ME1: variants seen among roughly 807,000 people sequenced by gnomAD.
ME1 encodes the protein NADP-dependent malic enzyme.
ME1 carries 74 observed loss-of-function variants against 66.4 expected under a neutral mutation model. The ratio of observed to expected loss-of-function variants is 1.11; its 90% CI spans 0.92 to 1.35. The LOEUF (loss-of-function observed/expected upper bound fraction) is 1.35. Ranked by LOEUF, ME1 falls within the 40% of genes most tolerant of loss-of-function variation. The probability of loss-of-function intolerance (pLI) is 0.00; values close to 1 mark genes in which losing one functional copy is unlikely to be tolerated. For synonymous variants in ME1, 251 were observed against 235.6 expected (o/e 1.07, Z -0.60); for missense variants, 750 against 694.1 (o/e 1.08, Z -0.90).
Position 83,211,855 on chromosome 6 carries a change from T to C in ME1, c.*69A>G. 1 of 1,085,504 alleles carries C rather than the reference T, an allele frequency of 9.2e-7. No homozygotes were observed. The allele number at this position is 1,085,504 out of a possible 1,614,324, so 67.2% of individuals were successfully genotyped here. ...GTGTCTTATGAATCATTATAAAAGA[T>C]TCCAACCTTTAAAAATTATGAAAGG... On this transcript the variant is annotated 3_prime_UTR_variant, in exon 14 of 14. Transcript: ENST00000369705.
At chr6:83,364,750 A>T (rs886203031) in intron 3 of ME1, among the ~76,000 whole-genome samples, 2 of 152,114 alleles carry the variant, frequency 1.3e-5, no homozygotes, top group East Asian at 3.9e-4. Flanking sequence ...CTATCTATCT[A>T]TCTATCTATC....
intron 3 of ME1, among the ~76,000 whole-genome samples, chr6:83,388,496 C>T (rs1177597255): frequency 6.6e-6 from 1 of 152,146 alleles, no homozygotes; most frequent in Non-Finnish European, 1.5e-5. Context: ...ATACCAGTAA[C>T]AATAACCACC....
At chr6:83,394,517 G>A (rs1429479040) in intron 3 of ME1, among the ~76,000 whole-genome samples, 3 of 152,170 alleles carry the variant, frequency 2.0e-5, no homozygotes, top group East Asian at 1.9e-4. Context: ...ACAAAGGGAT[G>A]ATGCGGCCAA....
Position 83,407,902 on chromosome 6 carries a change from C to T in ME1, c.79-1G>A, listed in dbSNP as rs1280148768. ...TCTCTTCCAGGGTAAAGGCCAAGTC[C>T]TATAGAGAAAAAACACACACACACA... On this transcript the variant is annotated splice_acceptor_variant, in intron 1 of 13. Coordinates refer to ENST00000369705, the MANE Select transcript of ME1 (RefSeq NM_002395.6). LOFTEE classifies it high-confidence loss of function. The T allele has an allele frequency of 6.3e-7, 1 of 1,595,336 alleles. No individual in the cohort carries two copies. Among genetic ancestry groups the T allele is most frequent in the Non-Finnish European group, 8.5e-7 (1 of 1,175,136 alleles).
At chr6:83,305,054 C>A (rs1452194827) in intron 6 of ME1, among the ~76,000 whole-genome samples, 1 of 152,062 alleles carries the variant, frequency 6.6e-6, no homozygotes, top group African/African-American at 2.4e-5. Context: ...AAAAATGATG[C>A]TAGTAATTCA....
intron 6 of ME1, among the ~76,000 whole-genome samples, chr6:83,287,156 T>A (rs1170330): frequency 0.35 from 52,826 of 152,064 alleles, 9,404 homozygotes; most frequent in Middle Eastern, 0.5. Flanking sequence ...ATCATCATAA[T>A]CTTTTTTTAA....
At chr6:83,221,173 A>G (rs1304211929) in intron 12 of ME1, among the ~76,000 whole-genome samples, 1 of 152,136 alleles carries the variant, frequency 6.6e-6, no homozygotes, top group Non-Finnish European at 1.5e-5. Context: ...AAAAAAGATA[A>G]TCTACAATTT....
At chr6:83,275,297 G>T (rs1484287159) in intron 6 of ME1, among the ~76,000 whole-genome samples, 1 of 151,636 alleles carries the variant, frequency 6.6e-6, no homozygotes, top group Non-Finnish European at 1.5e-5. Flanking sequence ...TCGTGCTACT[G>T]CACTCCAGCC....
chr6:83,418,704 G>C (rs562710502), intron 1 of ME1, among the ~76,000 whole-genome samples: 1 of 152,142 alleles, frequency 6.6e-6, no homozygotes, highest in African/African-American at 2.4e-5. Context: ...CTACCCCAAC[G>C]AAACAGTGGC....
chr6:83,342,246 C>T (rs993139160), intron 5 of ME1, among the ~76,000 whole-genome samples: 1 of 152,210 alleles, frequency 6.6e-6, no homozygotes, highest in Non-Finnish European at 1.5e-5. Flanking sequence ...CTCAGGCCTG[C>T]TCCCACCCTG....
At chr6:83,312,948 G>T (rs1767958636) in intron 6 of ME1, among the ~76,000 whole-genome samples, 1 of 152,036 alleles carries the variant, frequency 6.6e-6, no homozygotes, top group African/African-American at 2.4e-5. Flanking sequence ...GTAGAGACAG[G>T]GTTTCGCCAT....
At chr6:83,393,769 C>G (rs544395752) in intron 3 of ME1, among the ~76,000 whole-genome samples, 4 of 152,026 alleles carry the variant, frequency 2.6e-5, no homozygotes, top group Non-Finnish European at 5.9e-5. Context: ...TTTTATTATG[C>G]TTGTATTAAG....
intron 12 of ME1, among the ~76,000 whole-genome samples, chr6:83,217,990 C>T (rs1268119764): frequency 2.6e-5 from 4 of 152,138 alleles, no homozygotes. Flanking sequence ...TAGTATTGCT[C>T]TACATATTAT....
rs531343903 is a variant in ME1 at position 83,373,329 on chromosome 6, G to A, written c.363-21190C>T. Among the ~76,000 whole-genome samples, 702 of 151,986 alleles carry A rather than the reference G, an allele frequency of 4.6e-3. 2 individuals are homozygous for A. Among genetic ancestry groups the A allele is most frequent in the African/African-American group, 0.015 (636 of 41,456 alleles). ...CAGCTCACTGCAACCCGTACCTCCC[G>A]GGTTTAAGCGATGCTCCTGCCTCAG... On this transcript the variant is annotated intron_variant, in intron 3 of 13. Coordinates refer to ENST00000369705, the MANE Select transcript of ME1 (RefSeq NM_002395.6).
chr6:83,258,400 A>C (rs1250038282), intron 6 of ME1, among the ~76,000 whole-genome samples: 1 of 152,196 alleles, frequency 6.6e-6, no homozygotes, highest in African/African-American at 2.4e-5. Context: ...ATTTGAACCC[A>C]CTTTGTCACT....
intron 3 of ME1, among the ~76,000 whole-genome samples, chr6:83,355,221 T>C (rs1223386893): frequency 6.6e-6 from 1 of 152,212 alleles, no homozygotes; most frequent in Non-Finnish European, 1.5e-5. Flanking sequence ...GGCACTTTTG[T>C]TGAATTACTA....
intron 2 of ME1, among the ~76,000 whole-genome samples, chr6:83,405,632 G>A (rs1406155169): frequency 6.6e-6 from 1 of 152,012 alleles, no homozygotes; most frequent in African/African-American, 2.4e-5. Flanking sequence ...TATGATATTG[G>A]CTGTGGGTTT....
At chr6:83,283,086 G>A (rs1215104363) in intron 6 of ME1, among the ~76,000 whole-genome samples, 1 of 149,766 alleles carries the variant, frequency 6.7e-6, no homozygotes, top group African/African-American at 2.5e-5. Context: ...AAATTAGCCG[G>A]GCGTGGTAGC....
intron 7 of ME1, 124 bp downstream of exon 7, chr6:83,253,505 A>G (rs1790757324): frequency 3.9e-6 from 2 of 514,386 alleles, no homozygotes; most frequent in Non-Finnish European, 7.0e-6. Flanking sequence ...ATGTGACATC[A>G]GCAAGCATAA....
Sources: allele counts gnomAD v4.1 joint callset (sites outside exome capture counted in the v4.1 genomes callset), GRCh38; gene constraint gnomAD v4.1.1; transcripts MANE v1.5; gene names NCBI Gene and HGNC (gene_info 2026-07-23, HGNC 2026-07-21).